IQCM: variants seen among roughly 807,000 people sequenced by gnomAD.
IQCM encodes the protein IQ domain-containing protein M.
A neutral mutation model predicts 57.6 loss-of-function variants in IQCM; 45 were observed. The ratio of observed to expected loss-of-function variants is 0.78; its 90% CI spans 0.62 to 1.00. IQCM has a LOEUF of 1.00. Among genes scored for constraint, IQCM ranks in the 50% least tolerant of loss-of-function variants. The probability of loss-of-function intolerance (pLI) is 0.00; values close to 1 mark genes in which losing one functional copy is unlikely to be tolerated. For synonymous variants in IQCM, 148 were observed against 158.9 expected (o/e 0.93, Z 0.51); for missense variants, 468 against 511.6 (o/e 0.91, Z 0.82).
intron 12 of IQCM, among the ~76,000 whole-genome samples, chr4:149,481,701 G>GTTGTTTTTTTTTTTTTTTTTTT (rs1740816388): frequency 1.9e-5 from 1 of 51,550 alleles, no homozygotes; most frequent in African/African-American, 7.6e-5. Context: ...TTCCAGTTTT[G>GTTGTTTTTTTTTTTTTTTTTTT]TTTTTTTTTT....
intron 5 of IQCM, among the ~76,000 whole-genome samples, chr4:149,716,939 C>T (rs776600341): frequency 3.3e-5 from 5 of 152,178 alleles, no homozygotes; most frequent in Admixed American, 1.3e-4. Context: ...GTTTGGAGAG[C>T]TTCCAGGTTG....
At chr4:149,531,250 T>C (rs953192665) in intron 12 of IQCM, among the ~76,000 whole-genome samples, 3 of 152,188 alleles carry the variant, frequency 2.0e-5, no homozygotes, top group Non-Finnish European at 4.4e-5. Flanking sequence ...ACATGAGTTT[T>C]ACCTCTTAAG....
intron 12 of IQCM, among the ~76,000 whole-genome samples, chr4:149,472,551 G>A (rs1394172887): frequency 6.6e-6 from 1 of 152,116 alleles, no homozygotes; most frequent in African/African-American, 2.4e-5. Flanking sequence ...ACTGCCCAAG[G>A]TAATTTATAG....
At chr4:149,363,105 C>A (rs994118326) in intron 13 of IQCM, among the ~76,000 whole-genome samples, 1 of 152,232 alleles carries the variant, frequency 6.6e-6, no homozygotes, top group Non-Finnish European at 1.5e-5. Flanking sequence ...TCCTCTTAAA[C>A]AATGTCCTGG....
chr4:149,563,944 C>A, intron 9 of IQCM, 54 bp from the exon 10 acceptor site: 1 of 855,326 alleles, frequency 1.2e-6, no homozygotes. Flanking sequence ...TAACCTTCCA[C>A]AAACAGTTTT....
At chr4:149,722,006 C>A (rs1157691196) in intron 5 of IQCM, among the ~76,000 whole-genome samples, 6 of 151,894 alleles carry the variant, frequency 4.0e-5, no homozygotes, top group Non-Finnish European at 5.9e-5. Context: ...TAATGTGGTA[C>A]CTCATTGTGG....
chr4:149,400,983 G>T (rs1419739672), intron 13 of IQCM, among the ~76,000 whole-genome samples: 4 of 151,674 alleles, frequency 2.6e-5, no homozygotes, highest in East Asian at 3.9e-4. Flanking sequence ...TATTAAAAGG[G>T]GTGACTTGCT....
intron 7 of IQCM, among the ~76,000 whole-genome samples, chr4:149,661,613 C>G (rs533875764): frequency 5.3e-5 from 8 of 152,190 alleles, no homozygotes; most frequent in African/African-American, 1.4e-4. Context: ...TTTTTTGTTA[C>G]TGATTCAATT....
intron 5 of IQCM, among the ~76,000 whole-genome samples, chr4:149,732,788 C>T (rs1473542268): frequency 6.6e-6 from 1 of 152,186 alleles, no homozygotes; most frequent in Non-Finnish European, 1.5e-5. Flanking sequence ...TACCATGTTA[C>T]TGATAGAGGA....
At chr4:149,357,071 C>T (rs1729053318) in intron 13 of IQCM, among the ~76,000 whole-genome samples, 1 of 152,130 alleles carries the variant, frequency 6.6e-6, no homozygotes, top group Non-Finnish European at 1.5e-5. Flanking sequence ...TAAAAGAATG[C>T]TTGTGATTTT....
intron 2 of IQCM, among the ~76,000 whole-genome samples, chr4:149,744,591 C>T (rs1767751619): frequency 6.6e-6 from 1 of 152,030 alleles, no homozygotes; most frequent in Non-Finnish European, 1.5e-5. Context: ...AATGTCCCTG[C>T]AAACTTGAGG....
intron 13 of IQCM, among the ~76,000 whole-genome samples, chr4:149,421,470 T>A (rs1362877439): frequency 6.6e-6 from 1 of 152,018 alleles, no homozygotes; most frequent in East Asian, 1.9e-4. Flanking sequence ...TGGTCAAAAT[T>A]GTTAGAGAAC....
chr4:149,373,275 T>C (rs1292644010), intron 13 of IQCM, among the ~76,000 whole-genome samples: 3 of 152,250 alleles, frequency 2.0e-5, no homozygotes, highest in Non-Finnish European at 2.9e-5. Flanking sequence ...AAATTACAAG[T>C]AAATTTCTCA....
chr4:149,779,669 C>T (rs528593704), intron 2 of IQCM, among the ~76,000 whole-genome samples: 1 of 152,020 alleles, frequency 6.6e-6, no homozygotes, highest in South Asian at 2.1e-4. Flanking sequence ...CAGATAGAAC[C>T]AGTATTAAAT....
intron 5 of IQCM, among the ~76,000 whole-genome samples, chr4:149,718,781 A>G (rs1294790525): frequency 2.0e-5 from 3 of 152,090 alleles, no homozygotes; most frequent in African/African-American, 4.8e-5. Flanking sequence ...TCCTGCCTCC[A>G]TGGTCTCTTT....
intron 7 of IQCM, among the ~76,000 whole-genome samples, chr4:149,666,690 G>A (rs1035947859): frequency 3.3e-5 from 5 of 152,110 alleles, no homozygotes; most frequent in Admixed American, 2.0e-4. Flanking sequence ...TGAAATTCTC[G>A]CTGTCAGCAC....
chr4:149,522,408 G>A (rs1327637050), intron 12 of IQCM, among the ~76,000 whole-genome samples: 2 of 152,172 alleles, frequency 1.3e-5, no homozygotes, highest in Admixed American at 1.3e-4. Flanking sequence ...GCTCCTATCA[G>A]AATAGAAGAG....
chr4:149,530,030 T>A (rs893491102), intron 12 of IQCM, among the ~76,000 whole-genome samples: 1 of 152,162 alleles, frequency 6.6e-6, no homozygotes, highest in Admixed American at 6.5e-5. Flanking sequence ...CACTCCTGCC[T>A]TAGGACTTGA....
intron 5 of IQCM, among the ~76,000 whole-genome samples, chr4:149,726,873 G>A (rs562745328): frequency 3.3e-5 from 5 of 151,490 alleles, no homozygotes; most frequent in East Asian, 1.9e-4. Context: ...TGCAGCCTCC[G>A]CCTCCCAGGT....
Sources: gnomAD v4.1 joint callset for allele counts (sites outside exome capture counted in the v4.1 genomes callset) on GRCh38, gnomAD v4.1.1 for gene constraint, MANE v1.5 for transcripts, NCBI Gene and HGNC (gene_info 2026-07-23, HGNC 2026-07-21) for gene names.